Variants in MINDY4B observed in about 807,000 individuals in gnomAD.
MINDY4B encodes the protein MINDY family member 4B.
In MINDY4B, 25 loss-of-function variants were observed where a neutral mutation model predicts 16.7. That is an observed-to-expected ratio of 1.49 (90% CI 1.09 to 2.09). The LOEUF (loss-of-function observed/expected upper bound fraction) is 2.09, where lower values mean the gene tolerates loss of function less well. Ranked by LOEUF, MINDY4B falls within the 30% of genes most tolerant of loss-of-function variation. MINDY4B has a pLI of 0.00. For missense variants in MINDY4B, 327 were observed against 168.4 expected, an observed-to-expected ratio of 1.94 and a Z score of -5.21; for synonymous variants, 132 against 61.9, an observed-to-expected ratio of 2.13 and a Z score of -5.32.
chr3:150,880,424 G>A (rs969107211), intron 10 of MINDY4B, among the ~76,000 whole-genome samples: 2 of 152,212 alleles, frequency 1.3e-5, no homozygotes, highest in African/African-American at 4.8e-5. Context: ...ACTTGTGTAG[G>A]AGAAGAAGTG....
At chr3:150,876,379 A>G (rs907227840) in intron 10 of MINDY4B, among the ~76,000 whole-genome samples, 1 of 152,168 alleles carries the variant, frequency 6.6e-6, no homozygotes, top group Non-Finnish European at 1.5e-5. Flanking sequence ...TGATATTGCA[A>G]GTCCCAAGGC....
chr3:150,894,131 T>C (rs554553115), intron 4 of MINDY4B, 55 bp downstream of exon 4: 1 of 634,284 alleles, frequency 1.6e-6, no homozygotes, highest in South Asian at 1.9e-5. Flanking sequence ...AGGAAGGATA[T>C]ATGGATAAGG....
chr3:150,877,172 A>G (rs1711498031), intron 10 of MINDY4B, among the ~76,000 whole-genome samples: 2 of 152,208 alleles, frequency 1.3e-5, no homozygotes, highest in African/African-American at 2.4e-5. Context: ...CGGAGGCAGC[A>G]TTACAGGATG....
intron 3 of MINDY4B, among the ~76,000 whole-genome samples, chr3:150,895,679 G>A (rs543600317): frequency 6.6e-6 from 1 of 152,270 alleles, no homozygotes; most frequent in South Asian, 2.1e-4. Flanking sequence ...TGGCCAGCCT[G>A]TTCTTGAACT....
At chr3:150,897,270 C>T (rs1322926365) in intron 3 of MINDY4B, among the ~76,000 whole-genome samples, 1 of 150,848 alleles carries the variant, frequency 6.6e-6, no homozygotes, top group Non-Finnish European at 1.5e-5. Context: ...ATGCACACAT[C>T]AGTACCTGGG....
chr3:150,883,572 A>G (rs1559965553), intron 9 of MINDY4B, 128 bp downstream of exon 9: 1 of 627,426 alleles, frequency 1.6e-6, no homozygotes. Flanking sequence ...TTACTTAAGG[A>G]GAGAATATAT....
rs1482281718 is a variant in MINDY4B at position 150,871,109 on chromosome 3, A to G, written c.1319T>C (p.Met440Thr). 1 of 702,870 alleles carries G rather than the reference A, an allele frequency of 1.4e-6. No homozygotes were observed. The highest frequency in any genetic ancestry group is 2.6e-6 in the Non-Finnish European group (1 of 384,858). 43.5% of individuals were successfully genotyped at this position (702,870 alleles called of 1,614,324 possible). ...CTCGCTCCACTTGGTTCTGATTGCC[A>G]TCTCCACTGGTGAAAACCGTCGTCT... is the stretch of plus-strand genomic sequence containing the variant. ...GPRRRFSPVEMAIRTKWSEAT... is the reference protein window; with the variant it reads ...GPRRRFSPVETAIRTKWSEAT... Residue 440 changes from methionine (M) to threonine (T), a missense_variant, in exon 12 of 12, where the codon ATG becomes ACG. Coordinates refer to ENST00000465419, the MANE Select transcript of MINDY4B (RefSeq NM_001351281.2).
At chr3:150,893,007 A>G (rs1711856053) in intron 5 of MINDY4B, among the ~76,000 whole-genome samples, 1 of 151,862 alleles carries the variant, frequency 6.6e-6, no homozygotes, top group African/African-American at 2.4e-5. Context: ...TTCCTCCCTA[A>G]TTATTAGGTT....
At chr3:150,890,810 C>T (rs558003140) in intron 6 of MINDY4B, 128 bp downstream of exon 6, 9 of 606,048 alleles carry the variant, frequency 1.5e-5, no homozygotes, top group African/African-American at 9.1e-5. Flanking sequence ...GTACCTGCCT[C>T]TTTGGAAGGC....
chr3:150,883,913 A>C, intron 8 of MINDY4B, 141 bp from the exon 9 acceptor site: 27 of 611,950 alleles, frequency 4.4e-5, no homozygotes, highest in Middle Eastern at 4.3e-4. Context: ...TCCATCTCTC[A>C]CAGGGAAAGC....
chr3:150,901,892 T>C (rs1576616463), intron 3 of MINDY4B, among the ~76,000 whole-genome samples: 1 of 151,918 alleles, frequency 6.6e-6, no homozygotes, highest in East Asian at 1.9e-4. Context: ...GCAAGTGTGA[T>C]GGTGGAGAAA....
chr3:150,898,993 A>G (rs1443914479), intron 3 of MINDY4B, among the ~76,000 whole-genome samples: 1 of 152,138 alleles, frequency 6.6e-6, no homozygotes, highest in Non-Finnish European at 1.5e-5. Flanking sequence ...TTACTAGACC[A>G]TCATGGAATC....
At chr3:150,884,429 C>T (rs533504095) in intron 8 of MINDY4B, among the ~76,000 whole-genome samples, 4 of 152,134 alleles carry the variant, frequency 2.6e-5, no homozygotes, top group Admixed American at 1.3e-4. Context: ...TGAGTACCGT[C>T]GTGGCATCAG....
At chr3:150,895,229 A>C (rs1711929359) in intron 3 of MINDY4B, among the ~76,000 whole-genome samples, 1 of 152,168 alleles carries the variant, frequency 6.6e-6, no homozygotes, top group Non-Finnish European at 1.5e-5. Flanking sequence ...CAGTTAGTAG[A>C]CACAGCTGGG....
At position 150,871,127 on chromosome 3, in the gene MINDY4B, C is replaced by G. The variant is rs1434122474; in HGVS notation, c.1301G>C (p.Arg434Pro). The change falls in exon 12 of 12, where the codon CGG becomes CCG. Residue 434 changes from arginine (R) to proline (P), a missense_variant. Physicochemically the swap from Arg to Pro is moderately radical, Grantham distance 103. Coordinates refer to ENST00000465419, the MANE Select transcript of MINDY4B (RefSeq NM_001351281.2). ...GATTGCCATCTCCACTGGTGAAAAC[C>G]GTCGTCTTGGTCCATGTTTCTCTTC... ...QQEEKHGPRR[R>P]FSPVEMAIRT... 1.4e-5 allele frequency: 10 copies of G among 702,736 alleles called. No individual in the cohort carries two copies. The highest frequency in any genetic ancestry group is 2.3e-5 in the Non-Finnish European group (9 of 384,850). The allele number at this position is 702,736 out of a possible 1,614,324, so 43.5% of individuals were successfully genotyped here.
At chr3:150,904,886 T>TA (rs1712202767) in intron 2 of MINDY4B, among the ~76,000 whole-genome samples, 176 bp downstream of exon 2, 1 of 152,152 alleles carries the variant, frequency 6.6e-6, no homozygotes, top group Non-Finnish European at 1.5e-5. Context: ...GAGAAATCCA[T>TA]AAAAAAGCAC....
chr3:150,898,008 T>C (rs1347414850), intron 3 of MINDY4B, among the ~76,000 whole-genome samples: 1 of 152,080 alleles, frequency 6.6e-6, no homozygotes, highest in Admixed American at 6.5e-5. Flanking sequence ...TTACCAACCA[T>C]GTGAACTTGG....
intron 11 of MINDY4B, among the ~76,000 whole-genome samples, chr3:150,871,646 C>T (rs1038143555): frequency 5.9e-5 from 9 of 151,906 alleles, no homozygotes; most frequent in Non-Finnish European, 1.3e-4. Context: ...GTCGGGAGTT[C>T]GAGACCAGCC....
rs558233350 is a variant in MINDY4B at position 150,870,800 on chromosome 3, C to G, written c.*245G>C. 6.6e-6 allele frequency among the ~76,000 whole-genome samples: 1 copy of G among 152,312 alleles called. No individual in the cohort carries two copies. The highest frequency in any genetic ancestry group is 6.5e-5 in the Admixed American group (1 of 15,298). On this transcript the variant is annotated 3_prime_UTR_variant, in exon 12 of 12. Transcript: ENST00000465419. ...TTTTGAATAAAAGAAAGAAACCAGTCTATGTGACTACGGAGGAGGCACCAT... is the reference window on the plus strand; with the variant it reads ...TTTTGAATAAAAGAAAGAAACCAGTGTATGTGACTACGGAGGAGGCACCAT...
Sources: gnomAD v4.1 joint callset for allele counts (sites outside exome capture counted in the v4.1 genomes callset) on GRCh38, gnomAD v4.1.1 for gene constraint, MANE v1.5 for transcripts, NCBI Gene and HGNC (gene_info 2026-07-23, HGNC 2026-07-21) for gene names.